The following MYO5B variants were observed in gnomAD, a reference collection of about 807,000 sequenced individuals.
MYO5B encodes the protein myosin VB, also known as unconventional myosin-Vb.
MYO5B carries 143 observed loss-of-function variants against 229.3 expected under a neutral mutation model. That is an observed-to-expected ratio of 0.62 (90% CI 0.54 to 0.72). MYO5B has a LOEUF of 0.72. Among genes scored for constraint, MYO5B ranks in the 30% least tolerant of loss-of-function variants. MYO5B has a pLI of 0.00. For missense variants in MYO5B, 2,321 were observed against 2,331.0 expected (o/e 1.00, Z 0.09); for synonymous variants, 918 against 885.2 (o/e 1.04, Z -0.66).
chr18:50,091,547 G>A (rs1182014931), intron 1 of MYO5B, among the ~76,000 whole-genome samples: 2 of 152,098 alleles, frequency 1.3e-5, no homozygotes, highest in Admixed American at 6.5e-5. Flanking sequence ...AGAACCTAAC[G>A]GATGTATGTA....
intron 9 of MYO5B, among the ~76,000 whole-genome samples, chr18:49,978,539 C>G (rs1431926242): frequency 6.6e-6 from 1 of 152,072 alleles, no homozygotes; most frequent in African/African-American, 2.4e-5. Flanking sequence ...ACCCCTGAGG[C>G]CTGGAGAGCC....
At chr18:49,967,205 G>A (rs950993497) in intron 10 of MYO5B, among the ~76,000 whole-genome samples, 2 of 152,148 alleles carry the variant, frequency 1.3e-5, no homozygotes, top group African/African-American at 4.8e-5. Flanking sequence ...TTTCATAGTC[G>A]AAAAGTATAC....
chr18:50,017,545 C>A (rs1303416668), intron 4 of MYO5B, among the ~76,000 whole-genome samples: 2 of 152,320 alleles, frequency 1.3e-5, no homozygotes, highest in African/African-American at 4.8e-5. Flanking sequence ...AATTTTTTAG[C>A]TGATAGACAT....
At chr18:49,877,401 T>A (rs1271218324) in intron 25 of MYO5B, among the ~76,000 whole-genome samples, 1 of 152,232 alleles carries the variant, frequency 6.6e-6, no homozygotes, top group African/African-American at 2.4e-5. Flanking sequence ...TGCACTATGA[T>A]ATTAAGTGGG....
At chr18:49,871,909 C>T (rs2024460162) in intron 27 of MYO5B, among the ~76,000 whole-genome samples, 1 of 152,178 alleles carries the variant, frequency 6.6e-6, no homozygotes. Context: ...GATTTTTTTC[C>T]TAAGTGATTT....
intron 4 of MYO5B, among the ~76,000 whole-genome samples, chr18:50,021,624 G>A (rs1203409007): frequency 6.6e-6 from 1 of 150,420 alleles, no homozygotes; most frequent in African/African-American, 2.4e-5. Context: ...ATTCTTAGAT[G>A]CCCAGGACTG....
chr18:49,847,068 G>C, intron 33 of MYO5B, 78 bp downstream of exon 33: 1 of 1,580,012 alleles, frequency 6.3e-7, no homozygotes, highest in Middle Eastern at 1.9e-4. Flanking sequence ...AGGGGTGTGG[G>C]GGTTGTGCTG....
chr18:50,039,323 G>GTTGTT (rs546398102), intron 3 of MYO5B, among the ~76,000 whole-genome samples: 19 of 152,092 alleles, frequency 1.2e-4, no homozygotes, highest in African/African-American at 3.1e-4. Flanking sequence ...AGTTTATTTC[G>GTTGTT]TTGTTTTGTT....
intron 6 of MYO5B, 52 bp from the exon 7 acceptor site, chr18:49,990,572 TC>T (rs765081470): frequency 1.4e-6 from 2 of 1,464,942 alleles, no homozygotes; most frequent in South Asian, 2.3e-5. Context: ...CTAACATCGT[TC>T]CCTCTGCCAC....
rs74954371 is a variant in MYO5B, at chr18:50,162,524, G to A, written c.27+32243C>T. On this transcript the variant is annotated intron_variant, in intron 1 of 39. Transcript: ENST00000285039. ...GCGTATTTTCCATGAGATTGCCAAC[G>A]ATGCTTGGTCACAGCCTCCTGTAAC... Among the ~76,000 whole-genome samples the A allele has an allele frequency of 5.6e-3, 851 of 152,242 alleles. 7 individuals are homozygous for A. Among genetic ancestry groups the A allele is most frequent in the African/African-American group, 0.019 (809 of 41,532 alleles).
intron 1 of MYO5B, among the ~76,000 whole-genome samples, chr18:50,059,829 C>T (rs571668872): frequency 2.1e-4 from 32 of 152,276 alleles, no homozygotes; most frequent in Non-Finnish European, 3.7e-4. Context: ...ATAGATCTTC[C>T]AAGGGTAATT....
intron 1 of MYO5B, among the ~76,000 whole-genome samples, chr18:50,102,009 T>A (rs1256255906): frequency 6.6e-6 from 1 of 152,122 alleles, no homozygotes; most frequent in African/African-American, 2.4e-5. Flanking sequence ...TAGACTGGAT[T>A]TAAAAAGTGT....
intron 25 of MYO5B, 88 bp from the exon 26 acceptor site, chr18:49,875,915 A>G (rs2144100166): frequency 6.8e-7 from 1 of 1,460,402 alleles, no homozygotes; most frequent in Non-Finnish European, 9.5e-7. Context: ...CCTCTATATC[A>G]GCCATCTGTC....
intron 1 of MYO5B, among the ~76,000 whole-genome samples, chr18:50,105,962 A>T (rs1380055650): frequency 2.0e-5 from 3 of 151,042 alleles, no homozygotes; most frequent in Non-Finnish European, 3.0e-5. Flanking sequence ...TGTCCACCCT[A>T]CCCACCCTAG....
intron 8 of MYO5B, among the ~76,000 whole-genome samples, chr18:49,984,268 T>G (rs2025846838): frequency 6.6e-6 from 1 of 152,230 alleles, no homozygotes; most frequent in African/African-American, 2.4e-5. Context: ...TAACGCTGTA[T>G]GTGTGATGCA....
chr18:50,082,428 T>C (rs1346918534), intron 1 of MYO5B, among the ~76,000 whole-genome samples: 1 of 152,216 alleles, frequency 6.6e-6, no homozygotes, highest in Non-Finnish European at 1.5e-5. Context: ...GAGAAAAATT[T>C]AGAAGGATAT....
At chr18:49,976,770 C>T (rs1374587520) in intron 9 of MYO5B, among the ~76,000 whole-genome samples, 1 of 152,164 alleles carries the variant, frequency 6.6e-6, no homozygotes, top group African/African-American at 2.4e-5. Flanking sequence ...GGCTACTTCT[C>T]CTGGCCAAGA....
chr18:49,831,900 A>G (rs2023927604), intron 39 of MYO5B, among the ~76,000 whole-genome samples: 1 of 152,234 alleles, frequency 6.6e-6, no homozygotes, highest in Non-Finnish European at 1.5e-5. Context: ...TAAAGGGAAT[A>G]TTAGTCACTA....
chr18:49,963,122 C>T (rs370122741), intron 10 of MYO5B, 92 bp from the exon 11 acceptor site: 5 of 958,486 alleles, frequency 5.2e-6, no homozygotes, highest in East Asian at 2.4e-5. Flanking sequence ...AGGTCTCCCC[C>T]GATGCCACTA....
Sources: allele counts gnomAD v4.1 joint callset (sites outside exome capture counted in the v4.1 genomes callset), GRCh38; gene constraint gnomAD v4.1.1; transcripts MANE v1.5; gene names NCBI Gene and HGNC (gene_info 2026-07-23, HGNC 2026-07-21).